Variants in ADAMTS7 observed in about 807,000 individuals in gnomAD.
The protein encoded by ADAMTS7 is A disintegrin and metalloproteinase with thrombospondin motifs 7.
Under a neutral mutation model 172.6 loss-of-function variants are expected in ADAMTS7, and 89 were observed. That is an observed-to-expected ratio of 0.52 (90% CI 0.43 to 0.61). The LOEUF is 0.61. Among genes scored for constraint, ADAMTS7 ranks in the 20% least tolerant of loss-of-function variants. The probability of loss-of-function intolerance (pLI) is 0.00; values close to 1 mark genes in which losing one functional copy is unlikely to be tolerated. For missense variants in ADAMTS7, 1,973 were observed against 2,355.6 expected (o/e 0.84, Z 3.36); for synonymous variants, 885 against 978.4 (o/e 0.90, Z 1.78).
intron 8 of ADAMTS7, among the ~76,000 whole-genome samples, chr15:78,785,832 A>G (rs1220531464): frequency 6.6e-6 from 1 of 152,142 alleles, no homozygotes; most frequent in Non-Finnish European, 1.5e-5. Context: ...AGAAAAAGCT[A>G]ACAATGTTAA....
intron 9 of ADAMTS7, 97 bp downstream of exon 9, chr15:78,777,347 G>C: frequency 6.8e-7 from 1 of 1,468,354 alleles, no homozygotes; most frequent in Non-Finnish European, 9.1e-7. Context: ...GCCAGGAGAG[G>C]TTGCTCCCAG....
intron 16 of ADAMTS7, 171 bp downstream of exon 16, chr15:78,770,991 G>A (rs2055238926): frequency 1.1e-6 from 1 of 907,268 alleles, no homozygotes; most frequent in South Asian, 1.8e-5. Flanking sequence ...CTCCCAGCGG[G>A]CCTGGGACAC....
chr15:78,781,634 T>C (rs2141497625), intron 8 of ADAMTS7, among the ~76,000 whole-genome samples: 1 of 152,348 alleles, frequency 6.6e-6, no homozygotes, highest in Middle Eastern at 3.4e-3. Context: ...TCTGTCTGTC[T>C]GTCCTAGAAC....
intron 16 of ADAMTS7, among the ~76,000 whole-genome samples, chr15:78,769,899 C>T (rs1450426005): frequency 1.3e-5 from 2 of 152,354 alleles, no homozygotes; most frequent in Non-Finnish European, 2.9e-5. Flanking sequence ...CAGTGGCTCA[C>T]ACCTGTAATC....
At chr15:78,783,770 C>T (rs1244963647) in intron 8 of ADAMTS7, among the ~76,000 whole-genome samples, 1 of 152,088 alleles carries the variant, frequency 6.6e-6, no homozygotes, top group African/African-American at 2.4e-5. Context: ...ATCTCAAAAT[C>T]CAAATGCTCC....
intron 8 of ADAMTS7, among the ~76,000 whole-genome samples, chr15:78,779,101 G>A (rs1027774487): frequency 6.6e-6 from 1 of 152,172 alleles, no homozygotes; most frequent in African/African-American, 2.4e-5. Flanking sequence ...CAGAGCTGCG[G>A]AGAAGAAAGC....
At chr15:78,796,553 C>T in intron 4 of ADAMTS7, 37 bp downstream of exon 4, 1 of 1,586,484 alleles carries the variant, frequency 6.3e-7, no homozygotes, top group South Asian at 1.2e-5. Flanking sequence ...CCCCCAACAC[C>T]ATCCCCGCCA....
At chr15:78,803,084 A>G (rs2055746765) in intron 1 of ADAMTS7, among the ~76,000 whole-genome samples, 2 of 152,172 alleles carry the variant, frequency 1.3e-5, no homozygotes, top group Admixed American at 1.3e-4. Flanking sequence ...ATTTAAGGCC[A>G]GGCATAGTCG....
Position 78,766,992 on chromosome 15 carries a change from G to A in ADAMTS7, c.2919C>T (p.Thr973=), listed in dbSNP as rs761181314. 2.4e-5 allele frequency: 39 copies of A among 1,602,510 alleles called. No individual in the cohort carries two copies. Among genetic ancestry groups the A allele is most frequent in the African/African-American group, 4.0e-5 (3 of 74,622 alleles). ...GCTGGGCCTCGTCACAGGGGACACC[G>A]GTGTCATTGGTGCAGAGGACATTTC... The part of the protein sequence containing the change: ...QRRNVLCTND[T]GVPCDEAQQP... The change falls in exon 19 of 24, where the codon ACC becomes ACT. Residue 973 remains threonine, a synonymous_variant. Transcript: ENST00000388820.
intron 20 of ADAMTS7, 33 bp from the exon 21 acceptor site, chr15:78,764,132 C>T: frequency 6.7e-7 from 1 of 1,486,870 alleles, no homozygotes; most frequent in Non-Finnish European, 9.0e-7. Context: ...GGACACATCC[C>T]CATGTGCAGG....
chr15:78,798,542 C>A (rs2055676564), intron 2 of ADAMTS7, among the ~76,000 whole-genome samples: 1 of 152,210 alleles, frequency 6.6e-6, no homozygotes, highest in Non-Finnish European at 1.5e-5. Flanking sequence ...TCCCTCCCAG[C>A]TGGCCAGGGC....
chr15:78,780,796 CT>C, intron 8 of ADAMTS7, among the ~76,000 whole-genome samples: 1 of 152,342 alleles, frequency 6.6e-6, no homozygotes, highest in South Asian at 2.1e-4. Flanking sequence ...GGAAGCTGGC[CT>C]TTAGAAGGCA....
intron 16 of ADAMTS7, among the ~76,000 whole-genome samples, chr15:78,770,268 G>A (rs1331123231): frequency 4.0e-5 from 6 of 151,654 alleles, no homozygotes; most frequent in Admixed American, 2.6e-4. Context: ...GAAGGTATCT[G>A]CCCAGTTCTC....
chr15:78,771,409 G>C lies in ADAMTS7; in HGVS notation c.2377-106C>G, dbSNP rs768062348. 4 of 1,574,986 alleles carry C rather than the reference G, an allele frequency of 2.5e-6. No individual in the cohort carries two copies. The South Asian group carries it at 4.6e-5, about 18-fold the overall frequency. ...TCTGTGAACTGCAGCTACAAGATTGGGCCATTTTAAAGATGGGGAAACTGA... is the reference window on the plus strand; with the variant it reads ...TCTGTGAACTGCAGCTACAAGATTGCGCCATTTTAAAGATGGGGAAACTGA... On this transcript the variant is annotated intron_variant, in intron 15 of 23. Transcript: ENST00000388820. The surrounding 1 kb of genome is among the most constrained non-coding windows in gnomAD (Gnocchi z 4.9).
At chr15:78,797,399 C>T (rs1277205981) in intron 3 of ADAMTS7, among the ~76,000 whole-genome samples, 1 of 152,240 alleles carries the variant, frequency 6.6e-6, no homozygotes. Context: ...GATTGGCTTG[C>T]TAGCCAAGCA....
Position 78,811,392 on chromosome 15 carries a change from C to T in ADAMTS7, c.-172G>A. 1.6e-6 allele frequency: 1 copy of T among 638,930 alleles called. No individual in the cohort carries two copies. The highest frequency in any genetic ancestry group is 2.2e-6 in the Non-Finnish European group (1 of 452,282). The allele number at this position is 638,930 out of a possible 1,614,324, so 39.6% of individuals were successfully genotyped here. On this transcript the variant is annotated 5_prime_UTR_variant, in exon 1 of 24. Transcript: ENST00000388820. Reference sequence around the variant, plus strand: ...CTCGGTCCGCGGGCAACAAAGGCTGCAGGGCCCGCCCCCTTGGCCGCTGCA... The same window carrying T: ...CTCGGTCCGCGGGCAACAAAGGCTGTAGGGCCCGCCCCCTTGGCCGCTGCA...
Position 78,763,821 on chromosome 15 carries a change from C to T in ADAMTS7, c.4618G>A (p.Glu1540Lys), listed in dbSNP as rs1294342070. 5 of 1,580,220 alleles carry T rather than the reference C, an allele frequency of 3.2e-6. No homozygotes were observed. In the African/African-American group the frequency reaches 6.7e-5, roughly 21 times the overall value. The change falls in exon 22 of 24, where the codon GAG (glutamate) becomes AAG (lysine). Residue 1540 changes from glutamate (E) to lysine (K), a missense_variant. Glu to Lys is a moderately conservative substitution (Grantham distance 56). Transcript: ENST00000388820. ...GGGCAGGTCACTAGACGCTGCTGCT[C>T]ACCACCGCCACAGGCCTCGGAGCAC... ...RECSEACGGG[E>K]QQRLVTCPEP...
chr15:78,806,121 CACACACAAAAAAAAAAAAA>C (rs1358278450), intron 1 of ADAMTS7, among the ~76,000 whole-genome samples: 161 of 22,614 alleles, frequency 7.1e-3, no homozygotes, highest in South Asian at 0.055. Flanking sequence ...CACACACACA[CACACACAAAAAAAAAAAAA>C]AAAAAAAAAA....
At chr15:78,798,160 T>A in intron 2 of ADAMTS7, 47 bp from the exon 3 acceptor site, 1 of 1,497,014 alleles carries the variant, frequency 6.7e-7, no homozygotes, top group Non-Finnish European at 8.9e-7. Flanking sequence ...GGCCCTCAGC[T>A]GCTCTTCTTG....
Sources: gnomAD v4.1 joint callset for allele counts (sites outside exome capture counted in the v4.1 genomes callset) on GRCh38, gnomAD v4.1.1 for gene constraint, Gnocchi (gnomAD v3.1) non-coding constraint, MANE v1.5 for transcripts, NCBI Gene and HGNC (gene_info 2026-07-23, HGNC 2026-07-21) for gene names.